NEGR1: variants seen among roughly 807,000 people sequenced by gnomAD.
NEGR1 encodes the protein IgLON family member 4.
In NEGR1, 10 loss-of-function variants were observed where a neutral mutation model predicts 40.9. The ratio of observed to expected loss-of-function variants is 0.24; its 90% CI spans 0.15 to 0.42. The LOEUF (loss-of-function observed/expected upper bound fraction) is 0.42. Ranked by LOEUF, NEGR1 falls within the 10% of genes least tolerant of loss-of-function variation. The pLI is 1.00. For synonymous variants in NEGR1, 185 were observed against 166.8 expected (o/e 1.11, Z -0.84); for missense variants, 352 against 438.9 (o/e 0.80, Z 1.77).
intron 3 of NEGR1, among the ~76,000 whole-genome samples, chr1:71,745,373 C>T (rs1655349582): frequency 6.6e-6 from 1 of 152,116 alleles, no homozygotes; most frequent in Non-Finnish European, 1.5e-5. Context: ...AACAAAAACC[C>T]TGAGTTTTAT....
At position 71,692,019 on chromosome 1, in the gene NEGR1, G is replaced by A. The variant is rs568413149; in HGVS notation, c.667+5989C>T. ...ATCCTTGCACAGCACCTTACGATTGGTTTATCAAAGCACTTGTCACACTGT... is the reference window on the plus strand; with the variant it reads ...ATCCTTGCACAGCACCTTACGATTGATTTATCAAAGCACTTGTCACACTGT... On this transcript the variant is annotated intron_variant, in intron 4 of 6. Coordinates refer to ENST00000357731, the MANE Select transcript of NEGR1 (RefSeq NM_173808.3). Among the ~76,000 whole-genome samples the A allele has an allele frequency of 2.6e-5, 4 of 151,636 alleles. No individual in the cohort carries two copies. In the South Asian group the frequency reaches 6.2e-4, roughly 24 times the overall value.
intron 1 of NEGR1, among the ~76,000 whole-genome samples, chr1:72,094,068 C>T (rs1250276163): frequency 2.6e-5 from 4 of 152,136 alleles, no homozygotes; most frequent in African/African-American, 7.2e-5. Flanking sequence ...AGTGGTGTCA[C>T]TTCTTACTGA....
chr1:71,720,730 T>A (rs1654480577), intron 3 of NEGR1, among the ~76,000 whole-genome samples: 1 of 152,048 alleles, frequency 6.6e-6, no homozygotes, highest in African/African-American at 2.4e-5. Flanking sequence ...ATTGGCAAAA[T>A]AAAGCAAAAT....
chr1:71,609,099 C>T (rs1650159093), intron 5 of NEGR1, among the ~76,000 whole-genome samples: 1 of 151,764 alleles, frequency 6.6e-6, no homozygotes, highest in Non-Finnish European at 1.5e-5. Context: ...TATAAAAAGG[C>T]AAATTCAGAA....
intron 1 of NEGR1, among the ~76,000 whole-genome samples, chr1:71,971,495 A>G (rs1646256471): frequency 6.6e-6 from 1 of 152,224 alleles, no homozygotes; most frequent in African/African-American, 2.4e-5. Context: ...GATTATACAC[A>G]TGAAATATGT....
chr1:71,400,040 T>C lies in NEGR1; in HGVS notation c.*7406A>G, dbSNP rs1012174722. ...AGAACTGCGGGAGGTCTAAGTCTGC[T>C]GTGACTTAGTGTAAAGTTAACTCCT... On this transcript the variant is annotated 3_prime_UTR_variant, in exon 7 of 7. Transcript: ENST00000357731. 8.5e-5 allele frequency: 13 copies of C among 152,330 alleles called. No homozygotes were observed. The highest frequency in any genetic ancestry group is 3.1e-4 in the African/African-American group (13 of 41,580). 9.4% of individuals were successfully genotyped at this position (152,330 alleles called of 1,614,324 possible).
intron 1 of NEGR1, among the ~76,000 whole-genome samples, chr1:72,278,097 T>C (rs1302586609): frequency 6.6e-6 from 1 of 152,142 alleles, no homozygotes; most frequent in Non-Finnish European, 1.5e-5. Context: ...TTTCCAATAG[T>C]GTAGAAATAC....
At chr1:71,858,272 T>C (rs927601808) in intron 2 of NEGR1, among the ~76,000 whole-genome samples, 3 of 152,072 alleles carry the variant, frequency 2.0e-5, no homozygotes, top group Admixed American at 6.6e-5. Flanking sequence ...TTTTTAAACA[T>C]TCCTTTCTAA....
chr1:71,488,755 C>T (rs755123503), intron 6 of NEGR1, among the ~76,000 whole-genome samples: 3 of 151,656 alleles, frequency 2.0e-5, no homozygotes, highest in Non-Finnish European at 4.4e-5. Context: ...GATAGCCCAT[C>T]TGAGATCCTT....
intron 1 of NEGR1, among the ~76,000 whole-genome samples, chr1:72,275,383 T>C (rs1570213510): frequency 1.3e-5 from 2 of 152,144 alleles, no homozygotes. Flanking sequence ...TACTGGTTAA[T>C]CTGAAACACA....
rs540838154 is a variant in NEGR1, at chr1:72,036,407, G to A, written c.177-101096C>T. ...ACGTTGGCTCACACCCATAATCCCA[G>A]CACTTTGGGAGGCTGAGGCGGGCAG... On this transcript the variant is annotated intron_variant, in intron 1 of 6. Transcript: ENST00000357731. Among the ~76,000 whole-genome samples the A allele has an allele frequency of 1.1e-4, 17 of 152,164 alleles. No individual in the cohort carries two copies. The East Asian group carries it at 3.1e-3, about 28-fold the overall frequency.
intron 1 of NEGR1, among the ~76,000 whole-genome samples, chr1:71,996,001 G>T (rs982350360): frequency 1.3e-5 from 2 of 151,984 alleles, no homozygotes; most frequent in African/African-American, 4.8e-5. Flanking sequence ...ACGTACAATT[G>T]TTAACTCTGA....
At chr1:71,642,689 T>C (rs1651394943) in intron 4 of NEGR1, among the ~76,000 whole-genome samples, 1 of 152,082 alleles carries the variant, frequency 6.6e-6, no homozygotes. Context: ...AATCTGCTTT[T>C]TCATTTGTTT....
chr1:72,170,211 C>A (rs895121525), intron 1 of NEGR1, among the ~76,000 whole-genome samples: 2 of 152,122 alleles, frequency 1.3e-5, no homozygotes, highest in African/African-American at 4.8e-5. Flanking sequence ...ATAAATGCTT[C>A]TTTTATATCA....
intron 6 of NEGR1, among the ~76,000 whole-genome samples, chr1:71,555,675 G>T (rs1473922402): frequency 1.3e-5 from 2 of 151,532 alleles, no homozygotes; most frequent in Non-Finnish European, 3.0e-5. Flanking sequence ...GTGAACATAA[G>T]GTCAGCAAAG....
At chr1:71,762,279 G>A (rs12135270) in intron 3 of NEGR1, among the ~76,000 whole-genome samples, 19 of 148,434 alleles carry the variant, frequency 1.3e-4, no homozygotes, top group East Asian at 4.0e-4. Context: ...GCAACAAACA[G>A]AAAAAGAAAA....
chr1:72,109,086 T>C (rs1649251168), intron 1 of NEGR1, among the ~76,000 whole-genome samples: 1 of 151,568 alleles, frequency 6.6e-6, no homozygotes, highest in African/African-American at 2.4e-5. Flanking sequence ...CATAAACACA[T>C]TTTCAGCTAA....
intron 6 of NEGR1, among the ~76,000 whole-genome samples, chr1:71,529,859 T>A (rs545104304): frequency 6.6e-6 from 1 of 151,316 alleles, no homozygotes; most frequent in Admixed American, 6.6e-5. Context: ...TCATTCTTAT[T>A]ATGTACTATA....
At chr1:71,765,639 A>G (rs1010699039) in intron 3 of NEGR1, among the ~76,000 whole-genome samples, 8 of 152,120 alleles carry the variant, frequency 5.3e-5, no homozygotes, top group Admixed American at 3.3e-4. Context: ...CCATTATGAC[A>G]CTGAATTGCC....
Sources: gnomAD v4.1 joint callset for allele counts (sites outside exome capture counted in the v4.1 genomes callset) on GRCh38, gnomAD v4.1.1 for gene constraint, MANE v1.5 for transcripts, NCBI Gene and HGNC (gene_info 2026-07-23, HGNC 2026-07-21) for gene names.